Variants in CSF3R observed in about 807,000 individuals in gnomAD.
CSF3R encodes granulocyte colony-stimulating factor receptor.
A neutral mutation model predicts 84.4 loss-of-function variants in CSF3R; 52 were observed. The ratio of observed to expected loss-of-function variants is 0.62; its 90% confidence interval spans 0.49 to 0.78. CSF3R has a LOEUF of 0.78. Among genes scored for constraint, CSF3R ranks in the 30% least tolerant of loss-of-function variants. CSF3R has a pLI of 0.00. For synonymous variants in CSF3R, 384 were observed against 429.1 expected (o/e 0.89, Z 1.30); for missense variants, 890 against 1,055.7 (o/e 0.84, Z 2.17).
chr1:36,471,440 T>C lies in CSF3R; in HGVS notation c.1278A>G (p.Glu426=). ...GCTGCCAGCCCCCTTTACCTCTGCT[T>C]TCTGAGAAGACCACCGGAGTGGGAC... is the stretch of plus-strand genomic sequence containing the variant. ...TSRPTPVVFS[E]SRGPALTRLH... is the part of the protein sequence containing the mutation. The change falls in exon 10 of 17, where the codon GAA becomes GAG. Residue 426 remains glutamate, a synonymous_variant. Transcript: ENST00000373106. 6.2e-7 allele frequency: 1 copy of C among 1,614,052 alleles called. No individual in the cohort carries two copies. Among genetic ancestry groups the C allele is most frequent in the Non-Finnish European group, 8.5e-7 (1 of 1,179,904 alleles).
chr1:36,479,867 T>A, intron 2 of CSF3R: 1 of 358,948 alleles, frequency 2.8e-6, no homozygotes. Flanking sequence ...GAACCTGAGA[T>A]GAGGAATTGC....
In CSF3R at chr1:36,466,674, C is replaced by T. The variant is rs746747614; in HGVS notation, c.2194G>A (p.Asp732Asn). ...TLVQTYVLQGDPRAVSTQPQS... is the reference protein window; with the variant it reads ...TLVQTYVLQGNPRAVSTQPQS... ...GGCTGGGTGGAAACTGCTCTTGGGT[C>T]CCCCTGGAGCACATAGGTCTGGACC... Residue 732 changes from aspartate (D) to asparagine (N), a missense_variant, in exon 17 of 17, where the codon GAC becomes AAC. Transcript: ENST00000373106. This position sits in a 1 kb window ranked among gnomAD's most constrained non-coding sequence, Gnocchi z 4.6. 4.3e-5 allele frequency: 69 copies of T among 1,614,050 alleles called. 1 individual carries two copies. In the Admixed American group the frequency reaches 7.2e-4, roughly 17 times the overall value.
intron 11 of CSF3R, 73 bp downstream of exon 11, chr1:36,469,579 C>G: frequency 1.3e-6 from 2 of 1,562,062 alleles, no homozygotes; most frequent in Non-Finnish European, 1.8e-6. Flanking sequence ...TTCAGGTTGT[C>G]CCATGCCTAT....
In CSF3R at chr1:36,473,842, G is replaced by T. The variant is rs1348090675; in HGVS notation, c.407C>A (p.Thr136Lys). The part of the protein sequence containing the change: ...PHNLSCLMNL[T>K]TSSLICQWEP... ...CCACTGGCAGATGAGGCTGCTGGTT[G>T]TGAGGTTCATGAGGCAGGAGAGGTT... The change falls in exon 5 of 17, where the codon ACA becomes AAA. Residue 136 changes from threonine (T) to lysine (K), a missense_variant. Physicochemically the swap from Thr to Lys is moderately conservative, Grantham distance 78. Transcript: ENST00000373106. 2.5e-6 allele frequency: 4 copies of T among 1,614,136 alleles called. No homozygotes were observed. The African/African-American group carries it at 4.0e-5, about 16-fold the overall frequency.
intron 4 of CSF3R, among the ~76,000 whole-genome samples, chr1:36,474,657 C>T (rs538005381): frequency 6.6e-6 from 1 of 152,056 alleles, no homozygotes; most frequent in African/African-American, 2.4e-5. Context: ...TTGTTTTTTC[C>T]TTATGCCTCA....
rs1438421345 is a variant in CSF3R at position 36,481,555 on chromosome 1, C to T, written c.-80-18G>A. The T allele has an allele frequency of 6.6e-6, 1 of 152,258 alleles. No homozygotes were observed. Among genetic ancestry groups the T allele is most frequent in the Non-Finnish European group, 1.5e-5 (1 of 68,046 alleles). 9.4% of individuals were successfully genotyped at this position (152,258 alleles called of 1,614,324 possible). ...TTCCCCATCTGTGGGAAAGAAATAA[C>T]ATTAGCACTCACTCCTCAGCGTTGT... On this transcript the variant is annotated intron_variant, in intron 1 of 16. Transcript: ENST00000373106.
At chr1:36,477,855 C>A (rs1184217337) in intron 3 of CSF3R, among the ~76,000 whole-genome samples, 14 of 151,540 alleles carry the variant, frequency 9.2e-5, no homozygotes, top group Admixed American at 9.2e-4. Flanking sequence ...GCCTGCTGGG[C>A]TCACGCCATT....
rs1294098023 is a variant in CSF3R, at chr1:36,471,480, G to A, written c.1238C>T (p.Ser413Leu). 3.1e-6 allele frequency: 5 copies of A among 1,614,116 alleles called. No individual in the cohort carries two copies. In the African/African-American group the frequency reaches 5.3e-5, roughly 17 times the overall value. The change falls in exon 10 of 17, where the codon TCA (serine) becomes TTA (leucine). Residue 413 changes from serine to leucine, a missense_variant. Ser to Leu is a moderately radical substitution (Grantham distance 145, BLOSUM62 -2). Transcript: ENST00000373106. ...CGGAGTGGGACGAGAGGTCCCGGCT[G>A]AGTTATAGGCCACAAGGGCCACCTC... ...AQEVALVAYN[S>L]AGTSRPTPVV... is the part of the protein sequence containing the mutation.
intron 10 of CSF3R, among the ~76,000 whole-genome samples, chr1:36,470,758 G>A (rs1383496534): frequency 1.3e-5 from 2 of 152,206 alleles, no homozygotes; most frequent in African/African-American, 2.4e-5. Context: ...GGTTCCAAGT[G>A]GAAAAGCCTG....
At chr1:36,478,802 G>A (rs1278833071) in intron 3 of CSF3R, 4 of 176,208 alleles carry the variant, frequency 2.3e-5, no homozygotes, top group Non-Finnish European at 4.9e-5. Flanking sequence ...AGTGAGCTGC[G>A]ATTGTGCCAC....
chr1:36,469,676 T>G lies in CSF3R; in HGVS notation c.1450A>C (p.Arg484=). 1 of 1,614,194 alleles carries G rather than the reference T, an allele frequency of 6.2e-7. No individual in the cohort carries two copies. The highest frequency in any genetic ancestry group is 8.5e-7 in the Non-Finnish European group (1 of 1,180,044). Reference sequence around the variant, plus strand: ...CCCTTCAGCAGAAACCCCGTGGCTCTCCCATTCTGTTCCATCCTCCAGGTC... The same window carrying G: ...CCCTTCAGCAGAAACCCCGTGGCTCGCCCATTCTGTTCCATCCTCCAGGTC... ...NKTWRMEQNG[R]ATGFLLKENI... The change falls in exon 11 of 17, where the codon AGA becomes CGA. Residue 484 remains arginine, a synonymous_variant. Coordinates refer to ENST00000373106, the MANE Select transcript of CSF3R (RefSeq NM_000760.4).
chr1:36,476,168 C>CGAGATCTACACA, intron 3 of CSF3R: 1 of 156,424 alleles, frequency 6.4e-6, no homozygotes, highest in Non-Finnish European at 1.4e-5. Context: ...TCTGCTACCC[C>CGAGATCTACACA]ATCTCCATCG....
chr1:36,467,073 A>G lies in CSF3R; in HGVS notation c.2040+157T>C. On this transcript the variant is annotated intron_variant, in intron 16 of 16. Transcript: ENST00000373106. This position sits in a 1 kb window ranked among gnomAD's most constrained non-coding sequence, Gnocchi z 4.1. ...AGGTGACTGAGGCTTTGAGATGGAC[A>G]GAGGTGGGATTCAAAGTTGGGTCTG... The G allele has an allele frequency of 8.1e-7, 1 of 1,230,504 alleles. No homozygotes were observed. The highest frequency in any genetic ancestry group is 1.5e-5 in the African/African-American group (1 of 67,026). The allele number at this position is 1,230,504 out of a possible 1,614,324, so 76.2% of individuals were successfully genotyped here. A position where few individuals can be genotyped will look rare whatever the true frequency, so the allele number is the denominator to read the frequency against.
chr1:36,473,249 T>C, intron 6 of CSF3R, 186 bp downstream of exon 6: 1 of 649,528 alleles, frequency 1.5e-6, no homozygotes. Context: ...TCTCTTCCTG[T>C]CTCTGGGTCT....
intron 10 of CSF3R, 41 bp downstream of exon 10, chr1:36,471,392 C>T (rs774414373): frequency 1.9e-5 from 30 of 1,576,724 alleles, no homozygotes; most frequent in East Asian, 1.1e-4. Flanking sequence ...TGAATTGATG[C>T]GCTTGACCTC....
At chr1:36,476,656 TTTTC>T (rs1651171732) in intron 3 of CSF3R, among the ~76,000 whole-genome samples, 1 of 151,738 alleles carries the variant, frequency 6.6e-6, no homozygotes, top group African/African-American at 2.4e-5. Flanking sequence ...TTTGTTTTGG[TTTTC>T]TTTTTCTTTT....
rs374816810 is a variant in CSF3R, at chr1:36,466,228, G to A, written c.*129C>T. 707 of 1,614,028 alleles carry A rather than the reference G, an allele frequency of 4.4e-4. No homozygotes were observed. The highest frequency in any genetic ancestry group is 1.3e-3 in the Middle Eastern group (8 of 6,082). The stretch of plus-strand genomic sequence containing the variant: ...ATGGAGATTGGGAGGAGAGGGAGAT[G>A]CTGGTGACTGGAGATGGTGAGAGCC... On this transcript the variant is annotated 3_prime_UTR_variant, in exon 17 of 17. Transcript: ENST00000373106. The surrounding 1 kb of genome is among the most constrained non-coding windows in gnomAD (Gnocchi z 4.6).
At position 36,466,245 on chromosome 1, in the gene CSF3R, GT is replaced by G; in HGVS notation, c.*111del. On this transcript the variant is annotated 3_prime_UTR_variant, in exon 17 of 17. Transcript: ENST00000373106. This position sits in a 1 kb window ranked among gnomAD's most constrained non-coding sequence, Gnocchi z 4.6. ...AGGGAGATGCTGGTGACTGGAGATGGTGAGAGCCTGGGCTGGGGTAGTTTTT... is the reference window on the plus strand; with the variant it reads ...AGGGAGATGCTGGTGACTGGAGATGGGAGAGCCTGGGCTGGGGTAGTTTTT... 1 of 1,613,974 alleles carries G rather than the reference GT, an allele frequency of 6.2e-7. No homozygotes were observed. The highest frequency in any genetic ancestry group is 8.5e-7 in the Non-Finnish European group (1 of 1,179,968).
Position 36,472,525 on chromosome 1 carries a change from A to G in CSF3R, c.835T>C (p.Trp279Arg). Reference protein sequence around the residue: ...RHKPQRGEASWALVGPLPLEA... With the variant: ...RHKPQRGEASRALVGPLPLEA... ...GTTGCCCTCTGCCTCACCAGTGCCC[A>G]GCTGGCTTCTCCACGCTGCGGCTTG... Residue 279 changes from tryptophan to arginine, a missense_variant, in exon 7 of 17, where the codon TGG becomes CGG. Trp to Arg is a moderately radical substitution (Grantham distance 101). Transcript: ENST00000373106. The surrounding 1 kb of genome is among the most constrained non-coding windows in gnomAD (Gnocchi z 5.0). 2 of 1,614,158 alleles carry G rather than the reference A, an allele frequency of 1.2e-6. No individual in the cohort carries two copies. The highest frequency in any genetic ancestry group is 1.7e-6 in the Non-Finnish European group (2 of 1,180,016).
Sources: gnomAD v4.1 joint callset for allele counts (sites outside exome capture counted in the v4.1 genomes callset) on GRCh38, gnomAD v4.1.1 for gene constraint, Gnocchi (gnomAD v3.1) non-coding constraint, MANE v1.5 for transcripts, NCBI Gene and HGNC (gene_info 2026-07-23, HGNC 2026-07-21) for gene names.